Variants in PHACTR2 observed in about 807,000 individuals in gnomAD.
PHACTR2 encodes the protein chromosome 6 open reading frame 56.
A neutral mutation model predicts 76.0 loss-of-function variants in PHACTR2; 30 were observed. That is an observed-to-expected ratio of 0.39 (90% CI 0.30 to 0.54). The LOEUF is 0.54. Ranked by LOEUF, PHACTR2 falls within the 20% of genes least tolerant of loss-of-function variation. The pLI, the probability that PHACTR2 is intolerant of heterozygous loss-of-function variation, is 0.61. For missense variants in PHACTR2, 696 were observed against 781.1 expected (o/e 0.89, Z 1.30); for synonymous variants, 292 against 292.5 (o/e 1.00, Z 0.02).
intron 1 of PHACTR2, among the ~76,000 whole-genome samples, chr6:143,703,503 G>A (rs1777963475): frequency 6.6e-6 from 1 of 152,214 alleles, no homozygotes; most frequent in Non-Finnish European, 1.5e-5. Flanking sequence ...TGGGAGGCAT[G>A]TATGAATAGC....
Position 143,806,956 on chromosome 6 carries a change from C to CT in PHACTR2, c.1846-99dup. 1.7e-6 allele frequency: 1 copy of CT among 604,158 alleles called. No homozygotes were observed. The highest frequency in any genetic ancestry group is 2.9e-6 in the Non-Finnish European group (1 of 348,174). 37.4% of individuals were successfully genotyped at this position (604,158 alleles called of 1,614,324 possible). On this transcript the variant is annotated intron_variant, in intron 11 of 12. Transcript: ENST00000440869. The surrounding 1 kb of genome is among the most constrained non-coding windows in gnomAD (Gnocchi z 5.8). Reference sequence around the variant, plus strand: ...TGGATGACAGAGCGAGACTCTATCTCTTAAAAAAAAAAAAAAGGTCTGCTT... The same window carrying CT: ...TGGATGACAGAGCGAGACTCTATCTCTTTAAAAAAAAAAAAAAGGTCTGCTT...
chr6:143,788,174 C>A (rs1426188829), intron 10 of PHACTR2, among the ~76,000 whole-genome samples: 1 of 152,192 alleles, frequency 6.6e-6, no homozygotes, highest in Non-Finnish European at 1.5e-5. Context: ...AGTTCTCCAT[C>A]AACTCTCCCC....
chr6:143,547,175 C>G lies in PHACTR2; in HGVS notation c.217+9968C>G, dbSNP rs895097392. ...TAATCTTATTAGGCAAAACAGTGTT[C>G]AACAAAAGTTTTGTGACTAAAATAT... On this transcript the variant is annotated intron_variant, in intron 1 of 11. Coordinates refer to the PHACTR2 transcript ENST00000367584. This position sits in a 1 kb window ranked among gnomAD's most constrained non-coding sequence, Gnocchi z 4.2. Among the ~76,000 whole-genome samples the G allele has an allele frequency of 8.5e-5, 13 of 152,228 alleles. No individual in the cohort carries two copies. The highest frequency in any genetic ancestry group is 3.1e-4 in the African/African-American group (13 of 41,542).
intron 7 of PHACTR2, among the ~76,000 whole-genome samples, chr6:143,773,385 T>C (rs181456547): frequency 2.7e-4 from 41 of 152,290 alleles, no homozygotes; most frequent in Middle Eastern, 3.4e-3. Flanking sequence ...CTTAGAGATA[T>C]GGAAAGTGCT....
intron 2 of PHACTR2, among the ~76,000 whole-genome samples, chr6:143,747,777 A>T (rs1450332208): frequency 6.6e-6 from 1 of 152,214 alleles, no homozygotes; most frequent in Non-Finnish European, 1.5e-5. Flanking sequence ...AGTTCTGCAG[A>T]ACACGCTTTG....
rs1482030106 is a variant in PHACTR2, at chr6:143,678,728, G to C, written c.46+519G>C. On this transcript the variant is annotated intron_variant, in intron 1 of 12. Transcript: ENST00000440869. This position sits in a 1 kb window ranked among gnomAD's most constrained non-coding sequence, Gnocchi z 6.2. ...CCCGAAATGCGTAATTGTTTCAAAT[G>C]AGACTTGTTTTGTTTATAGTAGATA... Among the ~76,000 whole-genome samples, 1 of 152,160 alleles carries C rather than the reference G, an allele frequency of 6.6e-6. No homozygotes were observed. Among genetic ancestry groups the C allele is most frequent in the East Asian group, 1.9e-4 (1 of 5,198 alleles).
At chr6:143,744,832 C>A (rs919732110) in intron 2 of PHACTR2, among the ~76,000 whole-genome samples, 5 of 152,172 alleles carry the variant, frequency 3.3e-5, no homozygotes, top group African/African-American at 1.2e-4. Context: ...GGCAGTGTTT[C>A]CTTCACTTCC....
In PHACTR2 at chr6:143,648,888, GT is replaced by G. The variant is rs1461161330; in HGVS notation, c.13+40569del. Among the ~76,000 whole-genome samples, 1 of 114,730 alleles carries G rather than the reference GT, an allele frequency of 8.7e-6. No individual in the cohort carries two copies. Among genetic ancestry groups the G allele is most frequent in the South Asian group, 3.3e-4 (1 of 3,040 alleles). 75.3% of individuals were successfully genotyped at this position (114,730 alleles called of 152,430 possible). ...TGTCTATGCATATGTGTCTATGTATGTTTGTGTGTGTGTGTGTGTCTGTCTG... is the reference window on the plus strand; with the variant it reads ...TGTCTATGCATATGTGTCTATGTATGTTGTGTGTGTGTGTGTGTCTGTCTG... On this transcript the variant is annotated intron_variant, in intron 1 of 11. Transcript: ENST00000305766. The surrounding 1 kb of genome is among the most constrained non-coding windows in gnomAD (Gnocchi z 6.7).
At position 143,826,592 on chromosome 6, in the gene PHACTR2, A is replaced by T. The variant is rs1202996907; in HGVS notation, c.*2903A>T. ...CCAAAGTGACCATTTTAGTTTTTTT[A>T]TTGGAGAATAAAACATTAATATTAG... On this transcript the variant is annotated 3_prime_UTR_variant, in exon 13 of 13. Transcript: ENST00000440869. The T allele has an allele frequency of 6.7e-6, 1 of 148,312 alleles. No individual in the cohort carries two copies. Among genetic ancestry groups the T allele is most frequent in the Non-Finnish European group, 1.5e-5 (1 of 67,202 alleles). 9.2% of individuals were successfully genotyped at this position (148,312 alleles called of 1,614,324 possible).
At chr6:143,615,480 C>A (rs530580193) in intron 1 of PHACTR2, among the ~76,000 whole-genome samples, 1 of 152,124 alleles carries the variant, frequency 6.6e-6, no homozygotes, top group African/African-American at 2.4e-5. Context: ...CATCTGAATA[C>A]CCTCTTGGAT....
At position 143,816,585 on chromosome 6, in the gene PHACTR2, C is replaced by G. The variant is rs1418466320; in HGVS notation, c.1923-7089C>G. On this transcript the variant is annotated intron_variant, in intron 12 of 12. Coordinates refer to ENST00000440869, the MANE Select transcript of PHACTR2 (RefSeq NM_001100164.2). This position sits in a 1 kb window ranked among gnomAD's most constrained non-coding sequence, Gnocchi z 4.5. ...TCAATTGGTCACCTTCTTTTCCTAG[C>G]CAGCCCTTGAAGCTGTGTTGGTGGC... Among the ~76,000 whole-genome samples, 2 of 145,638 alleles carry G rather than the reference C, an allele frequency of 1.4e-5. No homozygotes were observed. The highest frequency in any genetic ancestry group is 3.1e-5 in the Non-Finnish European group (2 of 64,748).
Position 143,777,248 on chromosome 6 carries a change from A to C in PHACTR2, c.1590-80A>C. ...TTTTATTTCTCAAAACATGAAAAAT[A>C]GAGCTTTGTTGTTTTATTCTGAGTC... On this transcript the variant is annotated intron_variant, in intron 8 of 12. Coordinates refer to ENST00000440869, the MANE Select transcript of PHACTR2 (RefSeq NM_001100164.2). This position sits in a 1 kb window ranked among gnomAD's most constrained non-coding sequence, Gnocchi z 4.6. 4.2e-6 allele frequency: 3 copies of C among 717,320 alleles called. No individual in the cohort carries two copies. The highest frequency in any genetic ancestry group is 7.2e-6 in the Non-Finnish European group (3 of 418,122). 44.4% of individuals were successfully genotyped at this position (717,320 alleles called of 1,614,324 possible). A position where few individuals can be genotyped will look rare whatever the true frequency, so the allele number is the denominator to read the frequency against.
rs1187809025 is a variant in PHACTR2, at chr6:143,599,093, T to C, written c.217+61886T>C. Among the ~76,000 whole-genome samples, 1 of 152,228 alleles carries C rather than the reference T, an allele frequency of 6.6e-6. No homozygotes were observed. Among genetic ancestry groups the C allele is most frequent in the Non-Finnish European group, 1.5e-5 (1 of 68,038 alleles). ...CCTCTGGGTACTCAGCGCTTTGCTC[T>C]AGGTGTCCTAAGCTGATCTGAAAAA... On this transcript the variant is annotated intron_variant, in intron 1 of 11. Coordinates refer to the PHACTR2 transcript ENST00000367584. The surrounding 1 kb of genome is among the most constrained non-coding windows in gnomAD (Gnocchi z 4.6).
intron 1 of PHACTR2, among the ~76,000 whole-genome samples, chr6:143,699,980 G>A (rs1050944051): frequency 1.1e-4 from 16 of 152,118 alleles, no homozygotes; most frequent in African/African-American, 3.4e-4. Flanking sequence ...TTTCATGTCT[G>A]CCTTGGGGAG....
intron 6 of PHACTR2, among the ~76,000 whole-genome samples, chr6:143,766,075 C>T (rs888879581): frequency 6.6e-6 from 1 of 152,234 alleles, no homozygotes; most frequent in African/African-American, 2.4e-5. Flanking sequence ...CAGCAGTCCA[C>T]AGTTCCCTTC....
intron 1 of PHACTR2, among the ~76,000 whole-genome samples, chr6:143,687,938 G>C (rs1282982246): frequency 1.3e-5 from 2 of 152,194 alleles, no homozygotes; most frequent in Admixed American, 6.5e-5. Context: ...AAGGTGTTAT[G>C]CTAAGCAAGG....
Position 143,546,456 on chromosome 6 carries a change from C to A in PHACTR2, c.217+9249C>A, listed in dbSNP as rs556116237. ...ATGCTTTGATTTTGGGTCCATAACTCACATACTGTAAGCATGTGACATAAT... is the reference window on the plus strand; with the variant it reads ...ATGCTTTGATTTTGGGTCCATAACTAACATACTGTAAGCATGTGACATAAT... On this transcript the variant is annotated intron_variant, in intron 1 of 11. Coordinates refer to the PHACTR2 transcript ENST00000367584. This position sits in a 1 kb window ranked among gnomAD's most constrained non-coding sequence, Gnocchi z 4.9. 1.3e-5 allele frequency among the ~76,000 whole-genome samples: 2 copies of A among 151,992 alleles called. No homozygotes were observed. The highest frequency in any genetic ancestry group is 4.8e-5 in the African/African-American group (2 of 41,452).
rs1476395792 is a variant in PHACTR2, at chr6:143,825,816, A to C, written c.*2127A>C. The C allele has an allele frequency of 6.6e-6, 1 of 152,192 alleles. No individual in the cohort carries two copies. Among genetic ancestry groups the C allele is most frequent in the Non-Finnish European group, 1.5e-5 (1 of 68,044 alleles). The allele number at this position is 152,192 out of a possible 1,614,324, so 9.4% of individuals were successfully genotyped here. A position where few individuals can be genotyped will look rare whatever the true frequency, so the allele number is the denominator to read the frequency against. On this transcript the variant is annotated 3_prime_UTR_variant, in exon 13 of 13. Transcript: ENST00000440869. This position sits in a 1 kb window ranked among gnomAD's most constrained non-coding sequence, Gnocchi z 4.1. ...ACATCACCATTTTATCACTCAAAGT[A>C]TGTTATTGAAAGTTTCTATTTGGTT...
Position 143,769,321 on chromosome 6 carries a change from T to G in PHACTR2, c.1233-2937T>G, listed in dbSNP as rs9321942. Among the ~76,000 whole-genome samples the G allele has an allele frequency of 5.4e-3, 823 of 152,216 alleles. 10 individuals are homozygous for G. Among genetic ancestry groups the G allele is most frequent in the African/African-American group, 0.018 (755 of 41,530 alleles). ...TACAGTTCATTTTCACAAACATGTA[T>G]AGAATGCACTATATTGTCCAGTGTG... On this transcript the variant is annotated intron_variant, in intron 6 of 12. Transcript: ENST00000440869.
Sources: allele counts gnomAD v4.1 joint callset (sites outside exome capture counted in the v4.1 genomes callset), GRCh38; gene constraint gnomAD v4.1.1; non-coding constraint Gnocchi (gnomAD v3.1); transcripts MANE v1.5; gene names NCBI Gene and HGNC (gene_info 2026-07-23, HGNC 2026-07-21).